OOSP2: variants seen among roughly 807,000 people sequenced by gnomAD.
OOSP2 encodes oocyte-secreted protein 2.
Under a neutral mutation model 13.4 loss-of-function variants are expected in OOSP2, and 7 were observed. The observed-to-expected ratio is 0.52, with a 90% CI of 0.30 to 0.98. The LOEUF (loss-of-function observed/expected upper bound fraction) is 0.98. OOSP2 is among the 50% of genes least tolerant of loss of function. The pLI, the probability that OOSP2 is intolerant of heterozygous loss-of-function variation, is 0.07. For synonymous variants in OOSP2, 75 were observed against 67.2 expected, an observed-to-expected ratio of 1.12 and a Z score of -0.57; for missense variants, 184 against 188.5, an observed-to-expected ratio of 0.98 and a Z score of 0.14.
chr11:60,041,863 A>AAAAAAAAAAAAAAAAAAAC (rs1854934071), intron 1 of OOSP2, among the ~76,000 whole-genome samples: 1 of 129,904 alleles, frequency 7.7e-6, no homozygotes, highest in Non-Finnish European at 1.6e-5. Flanking sequence ...AAAAAAAAAA[A>AAAAAAAAAAAAAAAAAAAC]AAAAAAAGCA....
intron 1 of OOSP2, among the ~76,000 whole-genome samples, chr11:60,042,373 G>T (rs1017871884): frequency 6.6e-6 from 1 of 152,162 alleles, no homozygotes; most frequent in South Asian, 2.1e-4. Flanking sequence ...ACTAATGCAG[G>T]ACATTTGCCT....
intron 3 of OOSP2, 142 bp from the exon 4 acceptor site, chr11:60,046,802 G>A (rs866120233): frequency 1.3e-6 from 1 of 787,800 alleles, no homozygotes; most frequent in South Asian, 1.4e-5. Context: ...AGTCCACGAG[G>A]ATCTAGAAGG....
chr11:60,044,334 C>T (rs2134640343), intron 2 of OOSP2, among the ~76,000 whole-genome samples: 1 of 152,320 alleles, frequency 6.6e-6, no homozygotes, highest in South Asian at 2.1e-4. Context: ...CTCTCCGAAG[C>T]TTGTGCTTTA....
At chr11:60,042,588 T>A (rs1854950080) in intron 1 of OOSP2, among the ~76,000 whole-genome samples, 1 of 152,188 alleles carries the variant, frequency 6.6e-6, no homozygotes. Flanking sequence ...TACTGACGAT[T>A]TAAATATAGA....
At position 60,043,068 on chromosome 11, in the gene OOSP2, C is replaced by A. The variant is rs539715376; in HGVS notation, c.65-401C>A. Among the ~76,000 whole-genome samples, 28 of 152,136 alleles carry A rather than the reference C, an allele frequency of 1.8e-4. No homozygotes were observed. The South Asian group carries it at 5.6e-3, about 30-fold the overall frequency. Reference sequence around the variant, plus strand: ...TACAGGCGCTTGCCACCACACCCGGCTAATTTTTTGTATTTTTAGTAGAGA... The same window carrying A: ...TACAGGCGCTTGCCACCACACCCGGATAATTTTTTGTATTTTTAGTAGAGA... On this transcript the variant is annotated intron_variant, in intron 1 of 3. Coordinates refer to ENST00000278855, the MANE Select transcript of OOSP2 (RefSeq NM_173801.5).
intron 3 of OOSP2, chr11:60,046,659 A>G: frequency 5.7e-6 from 3 of 523,632 alleles, no homozygotes; most frequent in East Asian, 9.9e-5. Context: ...GTACATTGGT[A>G]CTCTTCTAAT....
rs554653519 is a variant in OOSP2, at chr11:60,047,532, C to G, written c.*459C>G. The G allele has an allele frequency of 6.6e-6, 1 of 152,476 alleles. No individual in the cohort carries two copies. The highest frequency in any genetic ancestry group is 1.9e-4 in the East Asian group (1 of 5,192). The allele number at this position is 152,476 out of a possible 1,614,324, so 9.4% of individuals were successfully genotyped here. On this transcript the variant is annotated 3_prime_UTR_variant, in exon 4 of 4. Coordinates refer to ENST00000278855, the MANE Select transcript of OOSP2 (RefSeq NM_173801.5). ...ACGAAAGGCAAAATCCTTTTATGTG[C>G]AGATACTTTAATTCATGTAGATTTT...
At chr11:60,043,719 C>T in intron 2 of OOSP2, 72 bp downstream of exon 2, 1 of 825,910 alleles carries the variant, frequency 1.2e-6, no homozygotes, top group Non-Finnish European at 1.9e-6. Flanking sequence ...TTAAAATTGT[C>T]TTTTAAAAAA....
rs1855026102 is a variant in OOSP2 at position 60,047,787 on chromosome 11, A to C, written c.*714A>C. The stretch of plus-strand genomic sequence containing the variant: ...ATCCTGCCACCTAAGAGCATTCATT[A>C]AATGATTATTTATTACCACCTACTT... On this transcript the variant is annotated 3_prime_UTR_variant, in exon 4 of 4. Transcript: ENST00000278855. The C allele has an allele frequency of 6.6e-6, 1 of 152,200 alleles. No homozygotes were observed. The highest frequency in any genetic ancestry group is 6.5e-5 in the Admixed American group (1 of 15,282). 9.4% of individuals were successfully genotyped at this position (152,200 alleles called of 1,614,324 possible). A position where few individuals can be genotyped will look rare whatever the true frequency, so the allele number is the denominator to read the frequency against.
Position 60,043,618 on chromosome 11 carries a change from C to G in OOSP2, c.214C>G (p.Leu72Val). The change falls in exon 2 of 4, where the codon CTT (leucine) becomes GTT (valine). Residue 72 changes from leucine (L) to valine (V), a missense_variant. Coordinates refer to ENST00000278855, the MANE Select transcript of OOSP2 (RefSeq NM_173801.5). The part of the protein sequence containing the change: ...IHTYVYEFIY[L>V]VRDCGIRTRV... The stretch of plus-strand genomic sequence containing the variant: ...TACATATGTATATGAGTTTATATAT[C>G]TTGTTCGTGATTGTGGCATCAGGAC... 1 of 1,605,870 alleles carries G rather than the reference C, an allele frequency of 6.2e-7. No individual in the cohort carries two copies. Among genetic ancestry groups the G allele is most frequent in the Non-Finnish European group, 8.5e-7 (1 of 1,173,046 alleles).
intron 1 of OOSP2, among the ~76,000 whole-genome samples, chr11:60,042,967 C>T (rs369690438): frequency 3.3e-5 from 5 of 151,762 alleles, no homozygotes; most frequent in South Asian, 4.2e-4. Context: ...TGCAGTGGCG[C>T]GATCTTGGTT....
intron 1 of OOSP2, among the ~76,000 whole-genome samples, chr11:60,041,339 G>A (rs1240147933): frequency 6.6e-6 from 1 of 152,132 alleles, no homozygotes. Context: ...CTAGATCAGT[G>A]AAGCTCACCA....
At chr11:60,044,828 T>C (rs1289152288) in intron 3 of OOSP2, 54 bp downstream of exon 3, 4 of 818,100 alleles carry the variant, frequency 4.9e-6, no homozygotes, top group Non-Finnish European at 8.3e-6. Context: ...CCTTTGCTTA[T>C]GAGAAGCTTC....
intron 2 of OOSP2, among the ~76,000 whole-genome samples, chr11:60,043,954 A>T (rs1419877130): frequency 6.6e-6 from 1 of 152,216 alleles, no homozygotes; most frequent in Non-Finnish European, 1.5e-5. Flanking sequence ...GTGGAAGGTC[A>T]CCAATCTTGG....
At chr11:60,044,355 C>T (rs146134866) in intron 2 of OOSP2, among the ~76,000 whole-genome samples, 13 of 152,304 alleles carry the variant, frequency 8.5e-5, no homozygotes, top group South Asian at 2.1e-4. Flanking sequence ...AACCACTCTC[C>T]GTTATTTGAC....
chr11:60,045,364 C>T (rs1413867861), intron 3 of OOSP2, among the ~76,000 whole-genome samples: 1 of 151,290 alleles, frequency 6.6e-6, no homozygotes, highest in Non-Finnish European at 1.5e-5. Flanking sequence ...TATCCTGATA[C>T]ACTTTTTTTT....
intron 3 of OOSP2, among the ~76,000 whole-genome samples, chr11:60,045,278 C>T (rs1472763828): frequency 2.6e-5 from 4 of 151,970 alleles, no homozygotes; most frequent in Admixed American, 6.6e-5. Flanking sequence ...ATTAAATGTA[C>T]TTTGCTTGCA....
intron 3 of OOSP2, among the ~76,000 whole-genome samples, chr11:60,045,028 T>C (rs10896999): frequency 0.27 from 40,719 of 151,808 alleles, 6,134 homozygotes; most frequent in East Asian, 0.42. Flanking sequence ...AGTGTAACTA[T>C]GTTATTTTAT....
chr11:60,046,436 A>G (rs1855009297), intron 3 of OOSP2, among the ~76,000 whole-genome samples: 1 of 142,510 alleles, frequency 7.0e-6, no homozygotes, highest in African/African-American at 2.5e-5. Flanking sequence ...CTTGAAGCCT[A>G]CTTTCCTTAA....
Sources: allele counts gnomAD v4.1 joint callset (sites outside exome capture counted in the v4.1 genomes callset), GRCh38; gene constraint gnomAD v4.1.1; transcripts MANE v1.5; gene names NCBI Gene and HGNC (gene_info 2026-07-23, HGNC 2026-07-21).